Variants in CLEC16A observed in about 807,000 individuals in gnomAD.
CLEC16A encodes C-type lectin domain containing 16A, also known as protein CLEC16A.
A neutral mutation model predicts 109.5 loss-of-function variants in CLEC16A; 51 were observed. The ratio of observed to expected loss-of-function variants is 0.47; its 90% CI spans 0.37 to 0.59. The LOEUF (loss-of-function observed/expected upper bound fraction) is 0.59. Among genes scored for constraint, CLEC16A ranks in the 20% least tolerant of loss-of-function variants. CLEC16A has a pLI of 0.00. For missense variants in CLEC16A, 1,339 were observed against 1,394.0 expected (o/e 0.96, Z 0.63); for synonymous variants, 673 against 564.2 (o/e 1.19, Z -2.73).
intron 4 of CLEC16A, among the ~76,000 whole-genome samples, chr16:10,969,914 G>A (rs868202756): frequency 1.3e-5 from 2 of 152,284 alleles, no homozygotes; most frequent in African/African-American, 2.4e-5. Flanking sequence ...ATGAGATGAT[G>A]TCTTCAAAGT....
intron 13 of CLEC16A, among the ~76,000 whole-genome samples, chr16:11,039,528 G>A (rs1356811914): frequency 6.6e-6 from 1 of 152,130 alleles, no homozygotes; most frequent in Non-Finnish European, 1.5e-5. Context: ...AGCAATTTGG[G>A]AGGCCCAGCA....
rs756699596 is a variant in CLEC16A, at chr16:11,129,692, T to C, written c.2641+3546T>C. ...GCTCAGGCTTAGTTTGTGTGCCGCC[T>C]CTTCAGTGGCCTTTTCAGATCAGCT... On this transcript the variant is annotated intron_variant, in intron 22 of 23. Transcript: ENST00000409790. 1.4e-4 allele frequency among the ~76,000 whole-genome samples: 22 copies of C among 151,934 alleles called. 1 individual carries two copies. In the South Asian group the frequency reaches 1.5e-3, roughly 10 times the overall value.
chr16:11,000,610 G>A (rs1019111993), intron 10 of CLEC16A, among the ~76,000 whole-genome samples: 6 of 152,182 alleles, frequency 3.9e-5, no homozygotes, highest in Admixed American at 2.6e-4. Context: ...CTGTCAAGCA[G>A]TGCATTCTCA....
At chr16:11,017,681 C>T (rs1343439039) in intron 11 of CLEC16A, among the ~76,000 whole-genome samples, 1 of 152,120 alleles carries the variant, frequency 6.6e-6, no homozygotes, top group Non-Finnish European at 1.5e-5. Flanking sequence ...AGTATGTGCC[C>T]TGATAGGATG....
intron 19 of CLEC16A, among the ~76,000 whole-genome samples, chr16:11,112,232 G>C (rs550338958): frequency 6.6e-6 from 1 of 152,332 alleles, no homozygotes; most frequent in African/African-American, 2.4e-5. Context: ...ACAAGAGCCC[G>C]TGCAGTGGTT....
At chr16:11,165,561 T>G (rs2068224695) in intron 22 of CLEC16A, among the ~76,000 whole-genome samples, 1 of 152,126 alleles carries the variant, frequency 6.6e-6, no homozygotes. Flanking sequence ...TGGGGTGTGA[T>G]AATAGTTCTT....
intron 19 of CLEC16A, among the ~76,000 whole-genome samples, chr16:11,102,709 GC>G (rs1295751230): frequency 6.6e-6 from 1 of 152,204 alleles, no homozygotes; most frequent in Admixed American, 6.5e-5. Flanking sequence ...TCAGACCCAG[GC>G]CCCTTCTCCA....
chr16:11,171,531 CCA>C (rs1374504845), intron 23 of CLEC16A, among the ~76,000 whole-genome samples: 1 of 152,216 alleles, frequency 6.6e-6, no homozygotes, highest in Non-Finnish European at 1.5e-5. Flanking sequence ...ATCTTGTCGC[CCA>C]CACATCCAGC....
chr16:11,042,182 G>A, intron 14 of CLEC16A, 72 bp from the exon 15 acceptor site: 1 of 1,132,614 alleles, frequency 8.8e-7, no homozygotes, highest in African/African-American at 1.5e-5. Context: ...CCTCAACGTG[G>A]ATAGGCAGCA....
At chr16:11,168,425 C>T (rs961617714) in intron 23 of CLEC16A, among the ~76,000 whole-genome samples, 2 of 152,230 alleles carry the variant, frequency 1.3e-5, no homozygotes, top group Non-Finnish European at 1.5e-5. Context: ...GGTGCGTCCC[C>T]AGCAGGCCTG....
chr16:11,023,845 T>C (rs985468424), intron 12 of CLEC16A, among the ~76,000 whole-genome samples: 2 of 152,182 alleles, frequency 1.3e-5, no homozygotes, highest in African/African-American at 4.8e-5. Flanking sequence ...CAGCCTGGCA[T>C]TCAGAGGGGG....
chr16:10,945,102 C>T (rs1225767268), intron 1 of CLEC16A, among the ~76,000 whole-genome samples: 3 of 152,226 alleles, frequency 2.0e-5, no homozygotes, highest in Non-Finnish European at 4.4e-5. Flanking sequence ...CGGTGTCCAC[C>T]AAGTTTCCTG....
intron 13 of CLEC16A, among the ~76,000 whole-genome samples, chr16:11,035,038 C>T (rs908309252): frequency 6.6e-6 from 1 of 152,178 alleles, no homozygotes; most frequent in Non-Finnish European, 1.5e-5. Context: ...AACCATCAGC[C>T]ACCAGGTTGT....
rs569131006 is a variant in CLEC16A at position 11,141,629 on chromosome 16, G to A, written c.2641+15483G>A. ...GCATGTCTGTCCAAGCTCCTTGCAC[G>A]TACCGTGTGGGAAGTGGATTGGAGA... On this transcript the variant is annotated intron_variant, in intron 22 of 23. Coordinates refer to ENST00000409790, the MANE Select transcript of CLEC16A (RefSeq NM_015226.3). Among the ~76,000 whole-genome samples the A allele has an allele frequency of 1.9e-4, 29 of 152,368 alleles. No homozygotes were observed. The South Asian group carries it at 5.2e-3, about 27-fold the overall frequency.
intron 22 of CLEC16A, among the ~76,000 whole-genome samples, chr16:11,145,230 C>T (rs574196200): frequency 3.3e-5 from 5 of 152,294 alleles, no homozygotes; most frequent in Non-Finnish European, 7.4e-5. Context: ...CTACTCCGAC[C>T]ACACACAGCC....
chr16:11,153,780 TTAA>T lies in CLEC16A; in HGVS notation c.2642-12602_2642-12600del, dbSNP rs570173172. Among the ~76,000 whole-genome samples, 12 of 152,226 alleles carry T rather than the reference TTAA, an allele frequency of 7.9e-5. No individual in the cohort carries two copies. In the East Asian group the frequency reaches 2.1e-3, roughly 27 times the overall value. On this transcript the variant is annotated intron_variant, in intron 22 of 23. Transcript: ENST00000409790. ...AAATCAATACTTTTATGATGAAATATTAATAATACTAAAAAAATAAGTCAAAAC... is the reference window on the plus strand; with the variant it reads ...AAATCAATACTTTTATGATGAAATATTAATACTAAAAAAATAAGTCAAAAC...
intron 12 of CLEC16A, among the ~76,000 whole-genome samples, chr16:11,022,467 G>A (rs192194259): frequency 9.3e-5 from 14 of 151,250 alleles, no homozygotes; most frequent in Admixed American, 4.0e-4. Context: ...GGAGTGGGAA[G>A]GAAGGTGGCT....
intron 22 of CLEC16A, among the ~76,000 whole-genome samples, chr16:11,165,436 G>A (rs2153091412): frequency 6.6e-6 from 1 of 152,222 alleles, no homozygotes; most frequent in Middle Eastern, 3.4e-3. Context: ...AGGCTGCAGT[G>A]AGCTGAGATC....
At chr16:11,024,771 G>C in intron 12 of CLEC16A, 50 bp from the exon 13 acceptor site, 1 of 1,426,434 alleles carries the variant, frequency 7.0e-7, no homozygotes, top group East Asian at 2.5e-5. Flanking sequence ...GAGGGGAGGT[G>C]TTCACCCTTG....
Sources: gnomAD v4.1 joint callset for allele counts (sites outside exome capture counted in the v4.1 genomes callset) on GRCh38, gnomAD v4.1.1 for gene constraint, MANE v1.5 for transcripts, NCBI Gene and HGNC (gene_info 2026-07-23, HGNC 2026-07-21) for gene names.